Variants in SS18 observed in about 807,000 individuals in gnomAD.
SS18 encodes the protein protein SSXT.
A neutral mutation model predicts 72.5 loss-of-function variants in SS18; 28 were observed. The observed-to-expected ratio is 0.39, with a 90% confidence interval of 0.29 to 0.53. The LOEUF (loss-of-function observed/expected upper bound fraction) is 0.53. Ranked by LOEUF, SS18 falls within the 20% of genes least tolerant of loss-of-function variation. The pLI is 0.76. For missense variants in SS18, 518 were observed against 535.3 expected, an observed-to-expected ratio of 0.97 and a Z score of 0.32; for synonymous variants, 172 against 164.2, an observed-to-expected ratio of 1.05 and a Z score of -0.37.
At chr18:26,064,719 T>C (rs144577511) in intron 3 of SS18, 133 of 152,170 alleles carry the variant, frequency 8.7e-4, no homozygotes, top group African/African-American at 3.1e-3. Flanking sequence ...CCATTTCTAT[T>C]CAACAAAATA....
intron 7 of SS18, among the ~76,000 whole-genome samples, chr18:26,037,559 T>C (rs981699210): frequency 1.3e-5 from 2 of 152,132 alleles, no homozygotes; most frequent in African/African-American, 2.4e-5. Flanking sequence ...TTATGTTTTA[T>C]GTATTAACAA....
At chr18:26,047,583 T>C (rs1461452725) in intron 5 of SS18, among the ~76,000 whole-genome samples, 1 of 152,024 alleles carries the variant, frequency 6.6e-6, no homozygotes, top group Non-Finnish European at 1.5e-5. Flanking sequence ...CATGCCTGTC[T>C]GTAATCCCAG....
chr18:26,051,682 A>G (rs1286874610), intron 5 of SS18, among the ~76,000 whole-genome samples: 1 of 152,188 alleles, frequency 6.6e-6, no homozygotes, highest in East Asian at 1.9e-4. Context: ...TAATTCTACC[A>G]TAAGCATTAA....
At chr18:26,042,649 AAAG>A (rs1272956259) in intron 5 of SS18, among the ~76,000 whole-genome samples, 1 of 152,002 alleles carries the variant, frequency 6.6e-6, no homozygotes, top group African/African-American at 2.4e-5. Context: ...AAAAAAAAAA[AAAG>A]AATTTTCTTT....
chr18:26,054,713 C>T (rs769433579), intron 4 of SS18, among the ~76,000 whole-genome samples: 1 of 150,132 alleles, frequency 6.7e-6, no homozygotes, highest in African/African-American at 2.4e-5. Context: ...AATACACATG[C>T]ATTATTTTAT....
chr18:26,070,170 G>T (rs2054288836), intron 3 of SS18, among the ~76,000 whole-genome samples: 1 of 152,086 alleles, frequency 6.6e-6, no homozygotes, highest in South Asian at 2.1e-4. Flanking sequence ...ATTAAAAATG[G>T]TTCCTAATTA....
At chr18:26,087,354 A>T in intron 2 of SS18, 147 bp downstream of exon 2, 1 of 560,494 alleles carries the variant, frequency 1.8e-6, no homozygotes, top group Non-Finnish European at 3.2e-6. Context: ...CAACTCTATG[A>T]ATATACTAAA....
intron 10 of SS18, among the ~76,000 whole-genome samples, chr18:26,031,683 C>G (rs2053544231): frequency 6.6e-6 from 1 of 152,060 alleles, no homozygotes; most frequent in South Asian, 2.1e-4. Flanking sequence ...CAAGGGAATA[C>G]AGTCATCCTA....
At chr18:26,061,422 CA>C (rs1381997648) in intron 3 of SS18, among the ~76,000 whole-genome samples, 2 of 152,140 alleles carry the variant, frequency 1.3e-5, no homozygotes, top group Non-Finnish European at 2.9e-5. Flanking sequence ...AAAATATAAT[CA>C]CTGAAATTAA....
chr18:26,074,028 C>T (rs1017789877), intron 3 of SS18, among the ~76,000 whole-genome samples: 7 of 152,074 alleles, frequency 4.6e-5, no homozygotes, highest in South Asian at 2.1e-4. Context: ...AACTTATCTA[C>T]GACCTTGAGC....
chr18:26,069,290 T>C (rs561543653), intron 3 of SS18, among the ~76,000 whole-genome samples: 3 of 152,052 alleles, frequency 2.0e-5, no homozygotes, highest in East Asian at 3.9e-4. Context: ...CTTTCTCATA[T>C]TATAAAAATC....
chr18:26,025,650 T>C (rs2053433207), intron 10 of SS18, among the ~76,000 whole-genome samples: 1 of 152,052 alleles, frequency 6.6e-6, no homozygotes, highest in Non-Finnish European at 1.5e-5. Flanking sequence ...AAAAAATAGA[T>C]AACCTGAATA....
In SS18 at chr18:26,032,413, A is replaced by G; in HGVS notation, c.1216T>C (p.Tyr406His). 3.1e-6 allele frequency: 5 copies of G among 1,613,806 alleles called. No individual in the cohort carries two copies. Among genetic ancestry groups the G allele is most frequent in the Non-Finnish European group, 4.2e-6 (5 of 1,179,798 alleles). ...AAACTACTTACCTGGTCATATCCAT[A>G]AGGCCTCTGCTGGGGTGGCTGTGGT... Reference protein sequence around the residue: ...GPPQPPQQRPYGYDQGQYGNY... With the variant: ...GPPQPPQQRPHGYDQGQYGNY... Residue 406 changes from tyrosine to histidine, a missense_variant, in exon 10 of 11, where the codon TAT becomes CAT. Transcript: ENST00000415083.
At chr18:26,021,442 A>G (rs1046738733) in intron 10 of SS18, among the ~76,000 whole-genome samples, 7 of 152,224 alleles carry the variant, frequency 4.6e-5, no homozygotes, top group African/African-American at 1.7e-4. Flanking sequence ...AGCAGTAGTC[A>G]TGCAGCTTCA....
intron 5 of SS18, among the ~76,000 whole-genome samples, chr18:26,050,913 T>C (rs913363347): frequency 1.5e-4 from 23 of 151,816 alleles, no homozygotes; most frequent in Non-Finnish European, 2.5e-4. Context: ...CGTCTCAAAA[T>C]AAATAAATAA....
intron 3 of SS18, among the ~76,000 whole-genome samples, chr18:26,062,455 T>C (rs541546235): frequency 2.0e-5 from 3 of 152,226 alleles, no homozygotes; most frequent in East Asian, 3.9e-4. Context: ...TGTAAAATTA[T>C]ATGTAAAATC....
intron 4 of SS18, among the ~76,000 whole-genome samples, chr18:26,056,007 T>C (rs1244521226): frequency 1.3e-5 from 2 of 152,202 alleles, no homozygotes; most frequent in East Asian, 1.9e-4. Context: ...TCCACCCGCC[T>C]TGGCCTCCCA....
At chr18:26,086,214 T>C (rs1020306225) in intron 2 of SS18, among the ~76,000 whole-genome samples, 7 of 152,200 alleles carry the variant, frequency 4.6e-5, no homozygotes, top group African/African-American at 1.7e-4. Flanking sequence ...TACACCATTT[T>C]ATATCAGGGA....
intron 3 of SS18, among the ~76,000 whole-genome samples, chr18:26,074,125 T>C (rs1278718282): frequency 2.0e-5 from 3 of 152,170 alleles, no homozygotes; most frequent in Non-Finnish European, 4.4e-5. Flanking sequence ...CACAGAAAAA[T>C]GTTAATGTTT....
Sources: gnomAD v4.1 joint callset for allele counts (sites outside exome capture counted in the v4.1 genomes callset) on GRCh38, gnomAD v4.1.1 for gene constraint, MANE v1.5 for transcripts, NCBI Gene and HGNC (gene_info 2026-07-23, HGNC 2026-07-21) for gene names.